ACSS1: variants seen among roughly 807,000 people sequenced by gnomAD.
The protein encoded by ACSS1 is acyl-CoA synthetase short chain family member 1, also known as acetyl-coenzyme A synthetase 2-like, mitochondrial.
A neutral mutation model predicts 75.3 loss-of-function variants in ACSS1; 42 were observed. That is an observed-to-expected ratio of 0.56 (90% CI 0.44 to 0.72). ACSS1 has a LOEUF of 0.72. ACSS1 is among the 30% of genes least tolerant of loss of function. The probability of loss-of-function intolerance (pLI) is 0.00; values close to 1 mark genes in which losing one functional copy is unlikely to be tolerated. For synonymous variants in ACSS1, 380 were observed against 376.8 expected, an observed-to-expected ratio of 1.01 and a Z score of -0.10; for missense variants, 782 against 935.7, an observed-to-expected ratio of 0.84 and a Z score of 2.14.
chr20:25,054,398 G>A (rs915926248), intron 1 of ACSS1, among the ~76,000 whole-genome samples: 1 of 152,248 alleles, frequency 6.6e-6, no homozygotes, highest in African/African-American at 2.4e-5. Context: ...TGTATAATGT[G>A]TTAAGAAAGT....
At chr20:25,015,273 T>C (rs769886466) in intron 7 of ACSS1, 43 bp from the exon 8 acceptor site, 1 of 1,514,848 alleles carries the variant, frequency 6.6e-7, no homozygotes, top group Non-Finnish European at 9.0e-7. Flanking sequence ...AGGCTGCAAA[T>C]AAACCTGAAA....
intron 1 of ACSS1, among the ~76,000 whole-genome samples, chr20:25,052,215 G>A (rs542502603): frequency 1.3e-5 from 2 of 152,202 alleles, no homozygotes; most frequent in Admixed American, 6.5e-5. Flanking sequence ...GTGGGGAAGA[G>A]AGGGAGGAGG....
At chr20:25,010,800 C>A (rs564707873) in intron 12 of ACSS1, 1 of 152,354 alleles carries the variant, frequency 6.6e-6, no homozygotes, top group African/African-American at 2.4e-5. Flanking sequence ...AGAGCCAGGA[C>A]GAGGCAGGCA....
intron 3 of ACSS1, among the ~76,000 whole-genome samples, chr20:25,023,978 A>G (rs1032556531): frequency 2.0e-5 from 3 of 152,202 alleles, no homozygotes; most frequent in Non-Finnish European, 4.4e-5. Context: ...AAACCCCAGG[A>G]AAGAGGCCAT....
chr20:25,048,151 G>T lies in ACSS1; in HGVS notation c.365C>A (p.Ser122Tyr), dbSNP rs963418474. The T allele has an allele frequency of 1.2e-6, 2 of 1,613,522 alleles. No homozygotes were observed. Among genetic ancestry groups the T allele is most frequent in the Non-Finnish European group, 1.7e-6 (2 of 1,179,992 alleles). The change falls in exon 2 of 14, where the codon TCC becomes TAC. Residue 122 changes from serine (S) to tyrosine (Y), a missense_variant. Coordinates refer to ENST00000323482, the MANE Select transcript of ACSS1 (RefSeq NM_032501.4). ...VNCLDQHVRK[S>Y]PESVALIWER... ...CCAGATCAAAGCAACGCTCTCGGGG[G>T]ACTTCCGAACATGCTGGTCCAAGCA...
At position 25,006,842 on chromosome 20, in the gene ACSS1, G is replaced by C. The variant is rs973739798; in HGVS notation, c.*920C>G. ...GTGAAGGTCAGGCAGCGTTTGCCAG[G>C]ATTTGGCTCTGACCAAGTTAGTGCT... On this transcript the variant is annotated 3_prime_UTR_variant, in exon 14 of 14. Coordinates refer to ENST00000323482, the MANE Select transcript of ACSS1 (RefSeq NM_032501.4). 1 of 1,535,344 alleles carries C rather than the reference G, an allele frequency of 6.5e-7. No homozygotes were observed. Among genetic ancestry groups the C allele is most frequent in the Non-Finnish European group, 8.7e-7 (1 of 1,146,736 alleles).
chr20:25,046,196 A>G (rs2089086492), intron 2 of ACSS1: 1 of 152,490 alleles, frequency 6.6e-6, no homozygotes, highest in African/African-American at 2.4e-5. Flanking sequence ...GATCCTCACC[A>G]TCCCAAAGTG....
intron 4 of ACSS1, 104 bp from the exon 5 acceptor site, chr20:25,023,196 C>T (rs1476108403): frequency 6.6e-6 from 9 of 1,373,670 alleles, no homozygotes; most frequent in African/African-American, 1.5e-5. Context: ...TCAGAATTCA[C>T]CTGCTCTGAC....
At chr20:25,057,214 C>T (rs1276820170) in intron 1 of ACSS1, among the ~76,000 whole-genome samples, 1 of 152,218 alleles carries the variant, frequency 6.6e-6, no homozygotes, top group African/African-American at 2.4e-5. Flanking sequence ...GAAGAAATAA[C>T]TGGTTCCAGC....
At chr20:25,046,600 C>T (rs1049128643) in intron 2 of ACSS1, 45 of 568,708 alleles carry the variant, frequency 7.9e-5, no homozygotes, top group Admixed American at 1.8e-4. Flanking sequence ...CCTTAGCCCC[C>T]GACCCCCAAC....
intron 13 of ACSS1, 58 bp from the exon 14 acceptor site, chr20:25,007,999 G>A (rs574394535): frequency 3.2e-5 from 50 of 1,573,798 alleles, no homozygotes; most frequent in Admixed American, 1.3e-4. Context: ...CTGTGCTAGC[G>A]TGGACTGCAT....
In ACSS1 at chr20:25,009,352, C is replaced by A. The variant is rs1486861358; in HGVS notation, c.1808G>T (p.Gly603Val). The change falls in exon 13 of 14, where the codon GGT becomes GTT. Residue 603 changes from glycine (G) to valine (V), a missense_variant. By Grantham distance (109) the Gly-to-Val change is moderately radical. Transcript: ENST00000323482. Reference sequence around the variant, plus strand: ...CTCCTGCACCACCACATCTGAGTCACCCGCACTATCTTTCACCACAATGAA... The same window carrying A: ...CTCCTGCACCACCACATCTGAGTCAACCGCACTATCTTTCACCACAATGAA... ...FAFIVVKDSAGDSDVVVQELK... is the reference protein window; with the variant it reads ...FAFIVVKDSAVDSDVVVQELK... 1 of 1,614,214 alleles carries A rather than the reference C, an allele frequency of 6.2e-7. No individual in the cohort carries two copies. Among genetic ancestry groups the A allele is most frequent in the South Asian group, 1.1e-5 (1 of 91,076 alleles).
chr20:25,009,568 A>G, intron 12 of ACSS1, 180 bp from the exon 13 acceptor site: 1 of 608,242 alleles, frequency 1.6e-6, no homozygotes, highest in East Asian at 2.7e-5. Context: ...TTTCATGAAA[A>G]GTGGCAGCGA....
intron 2 of ACSS1, among the ~76,000 whole-genome samples, chr20:25,044,862 G>A (rs1043578464): frequency 1.4e-4 from 22 of 152,190 alleles, no homozygotes; most frequent in South Asian, 2.1e-4. Flanking sequence ...CCCTGGAGTC[G>A]GGTGGCAGAC....
chr20:25,014,106 G>A (rs750401692), intron 8 of ACSS1, 33 bp from the exon 9 acceptor site: 86 of 1,536,890 alleles, frequency 5.6e-5, no homozygotes, highest in Middle Eastern at 3.3e-4. Context: ...ATGCATAATC[G>A]GCCCCGGACC....
intron 1 of ACSS1, among the ~76,000 whole-genome samples, chr20:25,053,254 G>A (rs2089201143): frequency 6.9e-6 from 1 of 145,220 alleles, no homozygotes; most frequent in Admixed American, 6.8e-5. Flanking sequence ...TTTTTGAGAT[G>A]GGGTTCTCAC....
chr20:25,048,122 G>T lies in ACSS1; in HGVS notation c.394C>A (p.Arg132Ser). The change falls in exon 2 of 14, where the codon CGC becomes AGC. Residue 132 changes from arginine to serine, a missense_variant. Transcript: ENST00000323482. ...SPESVALIWE[R>S]DEPGTEVRIT... ...CTCACTTCCGTTCCAGGCTCATCGCGCTCCCAGATCAAAGCAACGCTCTCG... is the reference window on the plus strand; with the variant it reads ...CTCACTTCCGTTCCAGGCTCATCGCTCTCCCAGATCAAAGCAACGCTCTCG... 2 of 1,613,600 alleles carry T rather than the reference G, an allele frequency of 1.2e-6. No individual in the cohort carries two copies. The highest frequency in any genetic ancestry group is 8.5e-7 in the Non-Finnish European group (1 of 1,179,928).
intron 12 of ACSS1, chr20:25,012,311 T>C (rs1364836397): frequency 2.0e-6 from 1 of 491,322 alleles, no homozygotes; most frequent in Non-Finnish European, 3.7e-6. Context: ...AGATACACCA[T>C]GGACAGAAGG....
intron 2 of ACSS1, among the ~76,000 whole-genome samples, chr20:25,041,291 G>A: frequency 6.6e-6 from 1 of 151,892 alleles, no homozygotes; most frequent in Non-Finnish European, 1.5e-5. Flanking sequence ...TAATTTGGAA[G>A]GAAGGTGAGA....
Sources: gnomAD v4.1 joint callset for allele counts (sites outside exome capture counted in the v4.1 genomes callset) on GRCh38, gnomAD v4.1.1 for gene constraint, MANE v1.5 for transcripts, NCBI Gene and HGNC (gene_info 2026-07-23, HGNC 2026-07-21) for gene names.